ROPN1: variants seen among roughly 807,000 people sequenced by gnomAD.
The protein encoded by ROPN1 is ropporin-1A.
A neutral mutation model predicts 20.5 loss-of-function variants in ROPN1; 14 were observed. That is an observed-to-expected ratio of 0.68 (90% CI 0.45 to 1.07). ROPN1 has a LOEUF of 1.07. ROPN1 is among the 50% of genes least tolerant of loss of function. The probability of loss-of-function intolerance (pLI) is 0.00; values close to 1 mark genes in which losing one functional copy is unlikely to be tolerated. For synonymous variants in ROPN1, 76 were observed against 95.7 expected, an observed-to-expected ratio of 0.79 and a Z score of 1.20; for missense variants, 169 against 242.8, an observed-to-expected ratio of 0.70 and a Z score of 2.02.
At chr3:123,975,877 G>A (rs1218610174) in intron 3 of ROPN1, among the ~76,000 whole-genome samples, 1 of 151,886 alleles carries the variant, frequency 6.6e-6, no homozygotes, top group Non-Finnish European at 1.5e-5. Context: ...AGAAGAGCCT[G>A]AAAACAAAAC....
At chr3:123,986,330 G>C (rs1184933105) in intron 1 of ROPN1, among the ~76,000 whole-genome samples, 1 of 151,940 alleles carries the variant, frequency 6.6e-6, no homozygotes, top group African/African-American at 2.4e-5. Context: ...TTACAAAAAT[G>C]GTTTCCAAAG....
chr3:123,970,307 T>A, intron 4 of ROPN1, 90 bp from the exon 5 acceptor site: 1 of 1,177,548 alleles, frequency 8.5e-7, no homozygotes, highest in Non-Finnish European at 1.2e-6. Flanking sequence ...AACAAAAATA[T>A]TGCTCTTATA....
chr3:123,969,259 A>C, intron 5 of ROPN1, 38 bp from the exon 6 acceptor site: 1 of 1,471,620 alleles, frequency 6.8e-7, no homozygotes, highest in Non-Finnish European at 9.5e-7. Flanking sequence ...TAGTTCATTG[A>C]CAGTTAATCT....
At position 123,974,199 on chromosome 3, in the gene ROPN1, C is replaced by A. The variant is rs1211677300; in HGVS notation, c.396+1180G>T. On this transcript the variant is annotated intron_variant, in intron 4 of 5. Transcript: ENST00000405845. ...AAAATTTTAAAGGTATATTTTCCCC[C>A]AAAAACGTCTCCAAATGTGGTGTGA... 2.0e-5 allele frequency among the ~76,000 whole-genome samples: 3 copies of A among 152,062 alleles called. No homozygotes were observed. The South Asian group carries it at 6.2e-4, about 32-fold the overall frequency.
chr3:123,971,608 A>C (rs2037921096), intron 4 of ROPN1, among the ~76,000 whole-genome samples: 1 of 152,140 alleles, frequency 6.6e-6, no homozygotes, highest in Non-Finnish European at 1.5e-5. Flanking sequence ...GGGGCCAACT[A>C]GTATATATGA....
At chr3:123,971,162 G>A (rs552694808) in intron 4 of ROPN1, among the ~76,000 whole-genome samples, 1 of 152,248 alleles carries the variant, frequency 6.6e-6, no homozygotes, top group Admixed American at 6.5e-5. Flanking sequence ...GAGGAGACTT[G>A]TCCTGCCTTA....
rs182217965 is a variant in ROPN1 at position 123,970,609 on chromosome 3, C to T, written c.397-392G>A. Among the ~76,000 whole-genome samples the T allele has an allele frequency of 5.9e-5, 9 of 152,230 alleles. No homozygotes were observed. The East Asian group carries it at 1.4e-3, about 23-fold the overall frequency. On this transcript the variant is annotated intron_variant, in intron 4 of 5. Transcript: ENST00000405845. ...TCTCTAAAGGGCTGAGATAGATGGT[C>T]TAGCCTATATAGTCCAGCAGGATAC...
At chr3:123,978,229 G>A (rs1353498190) in intron 2 of ROPN1, among the ~76,000 whole-genome samples, 1 of 152,024 alleles carries the variant, frequency 6.6e-6, no homozygotes, top group Non-Finnish European at 1.5e-5. Flanking sequence ...CTTTAACAAT[G>A]TGCATGAGAA....
chr3:123,977,108 A>G lies in ROPN1; in HGVS notation c.117-127T>C, dbSNP rs1280529847. 4 of 917,196 alleles carry G rather than the reference A, an allele frequency of 4.4e-6. No homozygotes were observed. The East Asian group carries it at 7.5e-5, about 17-fold the overall frequency. 56.8% of individuals were successfully genotyped at this position (917,196 alleles called of 1,614,324 possible). A position where few individuals can be genotyped will look rare whatever the true frequency, so the allele number is the denominator to read the frequency against. On this transcript the variant is annotated intron_variant, in intron 2 of 5. Coordinates refer to ENST00000405845, the MANE Select transcript of ROPN1 (RefSeq NM_001317774.2). ...AAGGAACCTTTGTTAAGTGGCTTCTATGTGTCATTGTGTTTAGTTCACTTA... is the reference window on the plus strand; with the variant it reads ...AAGGAACCTTTGTTAAGTGGCTTCTGTGTGTCATTGTGTTTAGTTCACTTA...
At chr3:123,985,679 G>GATTTAGT (rs1164384642) in intron 1 of ROPN1, among the ~76,000 whole-genome samples, 1 of 149,912 alleles carries the variant, frequency 6.7e-6, no homozygotes, top group Non-Finnish European at 1.5e-5. Context: ...ATAATTTAAT[G>GATTTAGT]ATTTAGTAAA....
chr3:123,980,887 T>C (rs1199200026), intron 1 of ROPN1, among the ~76,000 whole-genome samples: 1 of 152,190 alleles, frequency 6.6e-6, no homozygotes, highest in Non-Finnish European at 1.5e-5. Context: ...CATGAACATC[T>C]TTCCATGTCG....
At chr3:123,980,285 C>T (rs1481651814) in intron 2 of ROPN1, 81 bp downstream of exon 2, 4 of 1,324,086 alleles carry the variant, frequency 3.0e-6, no homozygotes, top group Non-Finnish European at 3.3e-6. Context: ...CTAGCTGCAG[C>T]CATGACAACC....
In ROPN1 at chr3:123,970,116, C is replaced by T. The variant is rs140446139; in HGVS notation, c.498G>A (p.Thr166=). The T allele has an allele frequency of 6.7e-3, 10,813 of 1,614,150 alleles. 63 individuals carry two copies. Among genetic ancestry groups the T allele is most frequent in the Middle Eastern group, 0.017 (102 of 6,062 alleles). Reference sequence around the variant, plus strand: ...TCTCCCCATCCACTTTGGCAATATACGTGTAGAGAAACTGGAAGGTGCTGA... The same window carrying T: ...TCTCCCCATCCACTTTGGCAATATATGTGTAGAGAAACTGGAAGGTGCTGA... ...IPFSTFQFLY[T]YIAKVDGEIS... Residue 166 remains threonine (T), a synonymous_variant, in exon 5 of 6, where the codon ACG becomes ACA. Coordinates refer to ENST00000405845, the MANE Select transcript of ROPN1 (RefSeq NM_001317774.2).
At chr3:123,985,323 C>G (rs1310468109) in intron 1 of ROPN1, among the ~76,000 whole-genome samples, 1 of 152,184 alleles carries the variant, frequency 6.6e-6, no homozygotes, top group African/African-American at 2.4e-5. Context: ...AATTGCAATG[C>G]ATTTATTATC....
rs369168733 is a variant in ROPN1 at position 123,980,518 on chromosome 3, T to A, written c.-12-25A>T. 5.7e-5 allele frequency: 91 copies of A among 1,605,974 alleles called. No individual in the cohort carries two copies. The African/African-American group carries it at 9.9e-4, about 17-fold the overall frequency. On this transcript the variant is annotated intron_variant, in intron 1 of 5. Transcript: ENST00000405845. The stretch of plus-strand genomic sequence containing the variant: ...CCTATTCTCAGGAGAAAAAAATACG[T>A]TAAGATGAAAACTTCGATTCATACG...
intron 4 of ROPN1, among the ~76,000 whole-genome samples, chr3:123,973,235 T>A (rs958955856): frequency 4.6e-5 from 7 of 152,138 alleles, no homozygotes; most frequent in African/African-American, 1.7e-4. Flanking sequence ...ATGATAGAAA[T>A]GAATATAAGG....
rs752247148 is a variant in ROPN1, at chr3:123,969,039, T to C, written c.*116A>G. 12 of 813,936 alleles carry C rather than the reference T, an allele frequency of 1.5e-5. No individual in the cohort carries two copies. Among genetic ancestry groups the C allele is most frequent in the Middle Eastern group, 2.2e-4 (1 of 4,484 alleles). The allele number at this position is 813,936 out of a possible 1,614,324, so 50.4% of individuals were successfully genotyped here. On this transcript the variant is annotated 3_prime_UTR_variant, in exon 6 of 6. Transcript: ENST00000405845. ...ATTTCTGATCTCATATGTTTAATTGTTTATTAGTGTGTACCAGTTGTACAA... is the reference window on the plus strand; with the variant it reads ...ATTTCTGATCTCATATGTTTAATTGCTTATTAGTGTGTACCAGTTGTACAA...
intron 5 of ROPN1, 34 bp from the exon 6 acceptor site, chr3:123,969,255 A>G: frequency 6.7e-7 from 1 of 1,491,410 alleles, no homozygotes; most frequent in Non-Finnish European, 9.3e-7. Context: ...CAGTTAGTTC[A>G]TTGACAGTTA....
intron 1 of ROPN1, 101 bp downstream of exon 1, chr3:123,991,821 A>G (rs1414949626): frequency 2.6e-5 from 4 of 152,298 alleles, no homozygotes; most frequent in Non-Finnish European, 4.4e-5. Context: ...GGAGAGGCTC[A>G]GAATCCAGGG....
Sources: gnomAD v4.1 joint callset for allele counts (sites outside exome capture counted in the v4.1 genomes callset) on GRCh38, gnomAD v4.1.1 for gene constraint, MANE v1.5 for transcripts, NCBI Gene and HGNC (gene_info 2026-07-23, HGNC 2026-07-21) for gene names.